SEPTIN9: variants seen among roughly 807,000 people sequenced by gnomAD.
SEPTIN9 encodes the protein septin 9.
A neutral mutation model predicts 56.6 loss-of-function variants in SEPTIN9; 13 were observed. The ratio of observed to expected loss-of-function variants is 0.23; its 90% CI spans 0.15 to 0.37. The LOEUF (loss-of-function observed/expected upper bound fraction) is 0.37. SEPTIN9 is among the 10% of genes least tolerant of loss of function. The pLI, the probability that SEPTIN9 is intolerant of heterozygous loss-of-function variation, is 1.00. For synonymous variants in SEPTIN9, 332 were observed against 334.1 expected, an observed-to-expected ratio of 0.99 and a Z score of 0.07; for missense variants, 650 against 823.1, an observed-to-expected ratio of 0.79 and a Z score of 2.57.
chr17:77,363,241 G>A (rs2034472952), intron 2 of SEPTIN9, among the ~76,000 whole-genome samples: 1 of 152,220 alleles, frequency 6.6e-6, no homozygotes, highest in Non-Finnish European at 1.5e-5. Context: ...AGAGCCAGGA[G>A]CTAGTGGGAG....
Position 77,329,597 on chromosome 17 carries a change from C to T in SEPTIN9, c.76+22400C>T, listed in dbSNP as rs1163419896. On this transcript the variant is annotated intron_variant, in intron 2 of 11. Coordinates refer to ENST00000427177, the MANE Select transcript of SEPTIN9 (RefSeq NM_001113491.2). The surrounding 1 kb of genome is among the most constrained non-coding windows in gnomAD (Gnocchi z 4.3). ...AAGCACGCTCATCCCTCGTTCCTTC[C>T]TGTTTCGTGGGATGCTGAGTCTCTG... Among the ~76,000 whole-genome samples, 1 of 152,234 alleles carries T rather than the reference C, an allele frequency of 6.6e-6. No homozygotes were observed. The highest frequency in any genetic ancestry group is 2.4e-5 in the African/African-American group (1 of 41,530).
intron 2 of SEPTIN9, among the ~76,000 whole-genome samples, chr17:77,383,723 A>C (rs1017231102): frequency 1.3e-5 from 2 of 152,112 alleles, no homozygotes; most frequent in African/African-American, 4.8e-5. Context: ...GGAGGGGCTG[A>C]GCGAGGTGTC....
chr17:77,492,323 C>A lies in SEPTIN9; in HGVS notation c.1381-298C>A, dbSNP rs1388094454. ...TTCAGGAGGGGAGGTCTCGGTAACC[C>A]TGAGTACTTTCTTGGGGCTGTGATG... is the stretch of plus-strand genomic sequence containing the variant. On this transcript the variant is annotated intron_variant, in intron 8 of 11. Coordinates refer to ENST00000427177, the MANE Select transcript of SEPTIN9 (RefSeq NM_001113491.2). This position sits in a 1 kb window ranked among gnomAD's most constrained non-coding sequence, Gnocchi z 5.4. Among the ~76,000 whole-genome samples the A allele has an allele frequency of 6.6e-6, 1 of 152,076 alleles. No homozygotes were observed. The highest frequency in any genetic ancestry group is 1.9e-4 in the East Asian group (1 of 5,184).
rs767088086 is a variant in SEPTIN9, at chr17:77,492,714, C to T, written c.1474C>T (p.Arg492Trp). The change falls in exon 9 of 12, where the codon CGG becomes TGG. Residue 492 changes from arginine to tryptophan, a missense_variant and splice_region_variant. By Grantham distance (101) the Arg-to-Trp change is moderately radical. This residue lies in a region of SEPTIN9 where 333 missense variants were observed against 494.0 expected (regional missense o/e 0.67). Transcript: ENST00000427177. This position sits in a 1 kb window ranked among gnomAD's most constrained non-coding sequence, Gnocchi z 5.4. Reference sequence around the variant, plus strand: ...GGACCGGCTGGTGAACGAGAAGTTCCGGGTGAGTGGATCCACTAGGATGTT... The same window carrying T: ...GGACCGGCTGGTGAACGAGAAGTTCTGGGTGAGTGGATCCACTAGGATGTT... ...SEDRLVNEKFREMIPFAVVGS... is the reference protein window; with the variant it reads ...SEDRLVNEKFWEMIPFAVVGS... 1.9e-6 allele frequency: 3 copies of T among 1,613,370 alleles called. No homozygotes were observed. Among genetic ancestry groups the T allele is most frequent in the Non-Finnish European group, 2.5e-6 (3 of 1,179,404 alleles).
At chr17:77,485,221 G>A (rs2039713385) in intron 4 of SEPTIN9, among the ~76,000 whole-genome samples, 1 of 151,196 alleles carries the variant, frequency 6.6e-6, no homozygotes, top group Non-Finnish European at 1.5e-5. Context: ...TGTGATGGTG[G>A]TGAAGGGGGT....
At chr17:77,370,128 G>A (rs773475503) in intron 2 of SEPTIN9, among the ~76,000 whole-genome samples, 55 of 152,224 alleles carry the variant, frequency 3.6e-4, no homozygotes, top group African/African-American at 1.2e-3. Flanking sequence ...AATAAGGCAC[G>A]AGTTTCTCCT....
rs312830 is a variant in SEPTIN9, at chr17:77,389,472, G to A, written c.77-12587G>A. Among the ~76,000 whole-genome samples, 806 of 152,152 alleles carry A rather than the reference G, an allele frequency of 5.3e-3. 6 individuals are homozygous for A. The highest frequency in any genetic ancestry group is 0.018 in the African/African-American group (760 of 41,496). On this transcript the variant is annotated intron_variant, in intron 2 of 11. Transcript: ENST00000427177. This position sits in a 1 kb window ranked among gnomAD's most constrained non-coding sequence, Gnocchi z 4.3. ...GGAAAGCCTCATTTTGGGGGACTCC[G>A]TACTTAACCTTTGAGGCCCTCAGAG...
At position 77,475,513 on chromosome 17, in the gene SEPTIN9, G is replaced by T. The variant is rs767939472; in HGVS notation, c.722-6631G>T. 3 of 1,610,146 alleles carry T rather than the reference G, an allele frequency of 1.9e-6. No homozygotes were observed. The highest frequency in any genetic ancestry group is 2.5e-6 in the Non-Finnish European group (3 of 1,178,898). On this transcript the variant is annotated intron_variant, in intron 3 of 11. Transcript: ENST00000427177. This position sits in a 1 kb window ranked among gnomAD's most constrained non-coding sequence, Gnocchi z 4.6. ...TCTGTTAGTTTATAGGACCTGAAGT[G>T]CCCCCATGGGCTCAAGTTTCTGGGA...
intron 8 of SEPTIN9, among the ~76,000 whole-genome samples, chr17:77,491,461 G>A (rs111661671): frequency 0.023 from 3,534 of 151,666 alleles, 98 homozygotes; most frequent in African/African-American, 0.062. Context: ...GCCTCCCAAA[G>A]TGCTGGGGTT....
rs372575150 is a variant in SEPTIN9, at chr17:77,463,113, G to A, written c.722-19031G>A. Among the ~76,000 whole-genome samples the A allele has an allele frequency of 9.2e-5, 14 of 152,280 alleles. No homozygotes were observed. The East Asian group carries it at 2.1e-3, about 23-fold the overall frequency. On this transcript the variant is annotated intron_variant, in intron 3 of 11. Coordinates refer to ENST00000427177, the MANE Select transcript of SEPTIN9 (RefSeq NM_001113491.2). ...TCTGGAGATGAGGCTGTTCCTTTCC[G>A]CTGGGTGTAGGGAGGGCACCTCTTA...
At chr17:77,384,340 T>G (rs1170561175) in intron 2 of SEPTIN9, among the ~76,000 whole-genome samples, 3 of 152,138 alleles carry the variant, frequency 2.0e-5, no homozygotes, top group Non-Finnish European at 4.4e-5. Context: ...CGGCGACTTC[T>G]GCATGTCCTT....
At chr17:77,470,658 TCATCCATCTGTC>T (rs1398940857) in intron 3 of SEPTIN9, 1 of 151,558 alleles carries the variant, frequency 6.6e-6, no homozygotes, top group East Asian at 2.0e-4. Flanking sequence ...ACCCATCCAT[TCATCCATCTGTC>T]CATCCATCCA....
chr17:77,490,109 C>T (rs1340243820), intron 7 of SEPTIN9, among the ~76,000 whole-genome samples: 5 of 152,226 alleles, frequency 3.3e-5, no homozygotes, highest in African/African-American at 1.2e-4. Context: ...GGGCCTTGGC[C>T]ATCTCTGCTT....
At chr17:77,383,795 C>T (rs927658620) in intron 2 of SEPTIN9, among the ~76,000 whole-genome samples, 4 of 152,192 alleles carry the variant, frequency 2.6e-5, no homozygotes, top group African/African-American at 9.7e-5. Flanking sequence ...AGGCAGAGGG[C>T]GCGATGGCCC....
chr17:77,449,721 C>G lies in SEPTIN9; in HGVS notation c.722-32423C>G, dbSNP rs1037319055. ...TTTAGGGGCCAGTGATGAGGGTGCC[C>G]TGGGCTGGGCTGCAGACAGTGGAAA... On this transcript the variant is annotated intron_variant, in intron 3 of 11. Transcript: ENST00000427177. The surrounding 1 kb of genome is among the most constrained non-coding windows in gnomAD (Gnocchi z 4.6). Among the ~76,000 whole-genome samples the G allele has an allele frequency of 6.6e-6, 1 of 152,154 alleles. No individual in the cohort carries two copies. The highest frequency in any genetic ancestry group is 1.5e-5 in the Non-Finnish European group (1 of 68,026).
intron 2 of SEPTIN9, among the ~76,000 whole-genome samples, chr17:77,393,385 G>A (rs2035606448): frequency 2.6e-5 from 4 of 152,148 alleles, no homozygotes; most frequent in Admixed American, 2.6e-4. Context: ...GGCTCTGGGT[G>A]GAGACACGGA....
chr17:77,381,766 T>C (rs929173461), intron 2 of SEPTIN9, among the ~76,000 whole-genome samples: 9 of 152,172 alleles, frequency 5.9e-5, no homozygotes, highest in African/African-American at 1.9e-4. Flanking sequence ...GCATTACTGC[T>C]GAATGCCCTG....
chr17:77,427,716 T>TTGAGCCC (rs1004389341), intron 3 of SEPTIN9, among the ~76,000 whole-genome samples: 2 of 152,190 alleles, frequency 1.3e-5, no homozygotes, highest in African/African-American at 4.8e-5. Context: ...CTGCAGGGTC[T>TTGAGCCC]TGAGCCCTGT....
chr17:77,319,986 ACC>A lies in SEPTIN9; in HGVS notation c.76+12791_76+12792del. 1 of 1,232,778 alleles carries A rather than the reference ACC, an allele frequency of 8.1e-7. No individual in the cohort carries two copies. Among genetic ancestry groups the A allele is most frequent in the Non-Finnish European group, 1.0e-6 (1 of 981,508 alleles). 76.4% of individuals were successfully genotyped at this position (1,232,778 alleles called of 1,614,324 possible). A position where few individuals can be genotyped will look rare whatever the true frequency, so the allele number is the denominator to read the frequency against. The stretch of plus-strand genomic sequence containing the variant: ...GGGACTCTGGGACTCTCGCAGGCAG[ACC>A]CGGTGGTCTGCCGGACTCCTCGGGG... On this transcript the variant is annotated intron_variant, in intron 2 of 11. Coordinates refer to ENST00000427177, the MANE Select transcript of SEPTIN9 (RefSeq NM_001113491.2). The surrounding 1 kb of genome is among the most constrained non-coding windows in gnomAD (Gnocchi z 5.3).
Sources: allele counts gnomAD v4.1 joint callset (sites outside exome capture counted in the v4.1 genomes callset), GRCh38; gene constraint gnomAD v4.1.1; regional missense constraint gnomAD v4.1.1; non-coding constraint Gnocchi (gnomAD v3.1); transcripts MANE v1.5; gene names NCBI Gene and HGNC (gene_info 2026-07-23, HGNC 2026-07-21).